Variants in RASGRF1 observed in about 807,000 individuals in gnomAD.
The protein encoded by RASGRF1 is ras-specific guanine nucleotide-releasing factor 1.
RASGRF1 carries 40 observed loss-of-function variants against 138.7 expected under a neutral mutation model. The observed-to-expected ratio is 0.29, with a 90% CI of 0.22 to 0.38. The LOEUF (loss-of-function observed/expected upper bound fraction) is 0.38. RASGRF1 is among the 10% of genes least tolerant of loss of function. The pLI, the probability that RASGRF1 is intolerant of heterozygous loss-of-function variation, is 1.00. For synonymous variants in RASGRF1, 614 were observed against 663.2 expected (o/e 0.93, Z 1.14); for missense variants, 1,108 against 1,650.4 (o/e 0.67, Z 5.69).
chr15:78,969,597 A>C (rs2055710643), intron 26 of RASGRF1, among the ~76,000 whole-genome samples: 1 of 152,058 alleles, frequency 6.6e-6, no homozygotes, highest in African/African-American at 2.4e-5. Flanking sequence ...TGAACCCGGG[A>C]GGCAGAGGTT....
chr15:79,034,942 A>T (rs2057197185), intron 6 of RASGRF1, among the ~76,000 whole-genome samples, 189 bp downstream of exon 6: 1 of 152,272 alleles, frequency 6.6e-6, no homozygotes, highest in Admixed American at 6.5e-5. Flanking sequence ...AACTAAAAAT[A>T]TATCATTTCC....
chr15:79,062,306 A>G (rs540277105), intron 2 of RASGRF1, among the ~76,000 whole-genome samples: 8 of 152,318 alleles, frequency 5.3e-5, no homozygotes, highest in South Asian at 2.1e-4. Flanking sequence ...CTGAGGTCCA[A>G]TCGCTCCCCC....
chr15:78,978,865 A>G, intron 24 of RASGRF1: 4 of 1,189,268 alleles, frequency 3.4e-6, no homozygotes, highest in Non-Finnish European at 4.3e-6. Flanking sequence ...TAGCTTCCAG[A>G]GGCCCGCAGG....
chr15:78,978,220 G>GTTTTTTT (rs71148584), intron 24 of RASGRF1, among the ~76,000 whole-genome samples: 23 of 125,102 alleles, frequency 1.8e-4, no homozygotes, highest in African/African-American at 8.1e-4. Context: ...CTTTTCTTTT[G>GTTTTTTT]TTTTTTTTTT....
At chr15:79,004,310 T>C in intron 14 of RASGRF1, 135 bp from the exon 15 acceptor site, 1 of 1,152,778 alleles carries the variant, frequency 8.7e-7, no homozygotes, top group African/African-American at 1.5e-5. Context: ...AACCCATACT[T>C]GAGCTGATCC....
At position 79,032,076 on chromosome 15, in the gene RASGRF1, C is replaced by T. The variant is rs776768996; in HGVS notation, c.1152+47G>A. 10 of 1,578,754 alleles carry T rather than the reference C, an allele frequency of 6.3e-6. No homozygotes were observed. Among genetic ancestry groups the T allele is most frequent in the African/African-American group, 2.7e-5 (2 of 74,340 alleles). ...CCCCACCGCCATGGTCCATCCCCCA[C>T]ACCTGCCTCCCTGACTCTACCCCAC... is the stretch of plus-strand genomic sequence containing the variant. On this transcript the variant is annotated intron_variant, in intron 7 of 26. Coordinates refer to ENST00000558480, the MANE Select transcript of RASGRF1 (RefSeq NM_001145648.3). This position sits in a 1 kb window ranked among gnomAD's most constrained non-coding sequence, Gnocchi z 4.5.
At chr15:79,089,562 C>T (rs752028296) in intron 1 of RASGRF1, among the ~76,000 whole-genome samples, 23 of 152,376 alleles carry the variant, frequency 1.5e-4, no homozygotes, top group Non-Finnish European at 1.2e-4. Flanking sequence ...GCAGCCCTGG[C>T]CCTAGCCCCG....
intron 24 of RASGRF1, chr15:78,979,317 C>T: frequency 2.8e-6 from 2 of 711,504 alleles, no homozygotes; most frequent in Non-Finnish European, 3.9e-6. Context: ...ACGAGGCTGG[C>T]AGAGGGGTGA....
chr15:79,012,436 A>G (rs2056814190), intron 13 of RASGRF1: 3 of 1,258,296 alleles, frequency 2.4e-6, no homozygotes, highest in Non-Finnish European at 3.5e-6. Flanking sequence ...TAATCTCTCT[A>G]TGTCTCTCTC....
chr15:79,051,715 A>G (rs369955297), intron 3 of RASGRF1, among the ~76,000 whole-genome samples: 25 of 152,308 alleles, frequency 1.6e-4, no homozygotes, highest in African/African-American at 6.0e-4. Flanking sequence ...TAGGGCAGAA[A>G]ATAGATGCAA....
At chr15:79,080,198 C>T (rs762015032) in intron 1 of RASGRF1, among the ~76,000 whole-genome samples, 20 of 152,260 alleles carry the variant, frequency 1.3e-4, no homozygotes, top group Non-Finnish European at 2.2e-4. Flanking sequence ...TAATTACTTG[C>T]TTCTCCTCAC....
intron 26 of RASGRF1, among the ~76,000 whole-genome samples, chr15:78,965,528 A>G (rs972515334): frequency 6.6e-6 from 1 of 152,120 alleles, no homozygotes; most frequent in East Asian, 1.9e-4. Flanking sequence ...TAATCATCAA[A>G]AACAACCCAT....
At chr15:79,026,447 G>C (rs1355375205) in intron 9 of RASGRF1, among the ~76,000 whole-genome samples, 1 of 152,128 alleles carries the variant, frequency 6.6e-6, no homozygotes, top group East Asian at 1.9e-4. Context: ...CTGGCACCTG[G>C]TGTTCCTGCG....
intron 1 of RASGRF1, among the ~76,000 whole-genome samples, chr15:79,085,957 G>A (rs1054385133): frequency 2.0e-5 from 3 of 152,186 alleles, no homozygotes; most frequent in African/African-American, 2.4e-5. Context: ...AAGCATAGGC[G>A]CAAGGAGCCG....
At chr15:78,993,551 C>T (rs1209083615) in intron 20 of RASGRF1, among the ~76,000 whole-genome samples, 2 of 151,992 alleles carry the variant, frequency 1.3e-5, no homozygotes, top group Admixed American at 6.6e-5. Flanking sequence ...ACTGGGATGC[C>T]GGGTTGTAGT....
Position 78,968,250 on chromosome 15 carries a change from A to G in RASGRF1, c.3681+3616T>C, listed in dbSNP as rs1185795209. Reference sequence around the variant, plus strand: ...GTCTTTTTTATTTTTCATGACACTGATGTGTGTGTGTGTGTGTGTGTGTGT... The same window carrying G: ...GTCTTTTTTATTTTTCATGACACTGGTGTGTGTGTGTGTGTGTGTGTGTGT... On this transcript the variant is annotated intron_variant, in intron 26 of 26. Coordinates refer to ENST00000558480, the MANE Select transcript of RASGRF1 (RefSeq NM_001145648.3). Among the ~76,000 whole-genome samples, 6 of 134,226 alleles carry G rather than the reference A, an allele frequency of 4.5e-5. No homozygotes were observed. The South Asian group carries it at 9.7e-4, about 22-fold the overall frequency. The allele number at this position is 134,226 out of a possible 152,430, so 88.1% of individuals were successfully genotyped here.
At chr15:79,070,472 G>T (rs1200746424) in intron 1 of RASGRF1, among the ~76,000 whole-genome samples, 1 of 152,206 alleles carries the variant, frequency 6.6e-6, no homozygotes, top group South Asian at 2.1e-4. Context: ...ATTGGAGGAG[G>T]ACTAAGCAGG....
chr15:78,998,021 G>T, intron 19 of RASGRF1, 75 bp downstream of exon 19: 1 of 1,348,496 alleles, frequency 7.4e-7, no homozygotes, highest in Non-Finnish European at 1.1e-6. Flanking sequence ...CCTCTGACCA[G>T]CCCACATGGA....
At position 79,049,541 on chromosome 15, in the gene RASGRF1, A is replaced by C. The variant is rs756679004; in HGVS notation, c.579T>G (p.Thr193=). 1 of 1,614,120 alleles carries C rather than the reference A, an allele frequency of 6.2e-7. No homozygotes were observed. ...CGCTGTCTTCATCGTTGGGGGCGAC[A>C]GTCTGGGTGGACTGGATGCGCTCAT... The part of the protein sequence containing the change: ...KDNERIQSTQ[T]VAPNDEDSDI... The change falls in exon 4 of 27, where the codon ACT becomes ACG. Residue 193 remains threonine, a synonymous_variant. Coordinates refer to ENST00000558480, the MANE Select transcript of RASGRF1 (RefSeq NM_001145648.3).
Sources: gnomAD v4.1 joint callset for allele counts (sites outside exome capture counted in the v4.1 genomes callset) on GRCh38, gnomAD v4.1.1 for gene constraint, Gnocchi (gnomAD v3.1) non-coding constraint, MANE v1.5 for transcripts, NCBI Gene and HGNC (gene_info 2026-07-23, HGNC 2026-07-21) for gene names.